ZNF205: variants seen among roughly 807,000 people sequenced by gnomAD.
The protein encoded by ZNF205 is zinc finger protein 205, also known as transcriptional repressor RHIT.
In ZNF205, 32 loss-of-function variants were observed where a neutral mutation model predicts 53.6. That is an observed-to-expected ratio of 0.60 (90% CI 0.45 to 0.80). The LOEUF is 0.80. ZNF205 is among the 30% of genes least tolerant of loss of function. The pLI is 0.00. For synonymous variants in ZNF205, 382 were observed against 334.3 expected, an observed-to-expected ratio of 1.14 and a Z score of -1.56; for missense variants, 836 against 782.4, an observed-to-expected ratio of 1.07 and a Z score of -0.82.
In ZNF205 at chr16:3,119,905, G is replaced by T. The variant is rs764041760; in HGVS notation, c.1245G>T (p.Thr415=). The T allele has an allele frequency of 3.7e-6, 6 of 1,613,102 alleles. No homozygotes were observed. Among genetic ancestry groups the T allele is most frequent in the Admixed American group, 3.3e-5 (2 of 59,968 alleles). Residue 415 remains threonine (T), a synonymous_variant, in exon 7 of 7, where the codon ACG becomes ACT. Coordinates refer to ENST00000219091, the MANE Select transcript of ZNF205 (RefSeq NM_001042428.2). The part of the protein sequence containing the change: ...SDLVTHQGTH[T]GAKPHKCPIC... ...TGGTCACCCACCAGGGCACCCACAC[G>T]GGCGCCAAGCCGCACAAGTGCCCCA...
At chr16:3,117,743 G>A (rs1957363537) in intron 5 of ZNF205, among the ~76,000 whole-genome samples, 1 of 151,966 alleles carries the variant, frequency 6.6e-6, no homozygotes. Flanking sequence ...GTGAGCCACT[G>A]TGCCCAGCCA....
At position 3,119,487 on chromosome 16, in the gene ZNF205, A is replaced by G. The variant is rs2151232197; in HGVS notation, c.827A>G (p.Tyr276Cys). 3.1e-6 allele frequency: 5 copies of G among 1,591,784 alleles called. No individual in the cohort carries two copies. The highest frequency in any genetic ancestry group is 4.3e-6 in the Non-Finnish European group (5 of 1,170,016). ...CCCAGTCCCACGGAGCCCCAGGAGT[A>G]CCGCGTCCCGGAGAAGCCCAACGAG... ...PDPSPTEPQE[Y>C]RVPEKPNEEE... Residue 276 changes from tyrosine to cysteine, a missense_variant, in exon 7 of 7, where the codon TAC (tyrosine) becomes TGC (cysteine). Physicochemically the swap from Tyr to Cys is radical, Grantham distance 194. Coordinates refer to ENST00000219091, the MANE Select transcript of ZNF205 (RefSeq NM_001042428.2).
intron 1 of ZNF205, chr16:3,113,090 A>G (rs1409823652): frequency 3.6e-6 from 1 of 275,416 alleles, no homozygotes; most frequent in Non-Finnish European, 6.9e-6. Flanking sequence ...GGAAATAGCG[A>G]TTCCAATTTA....
At position 3,120,394 on chromosome 16, in the gene ZNF205, G is replaced by A. The variant is rs1957414091; in HGVS notation, c.*69G>A. On this transcript the variant is annotated 3_prime_UTR_variant, in exon 7 of 7. Coordinates refer to ENST00000219091, the MANE Select transcript of ZNF205 (RefSeq NM_001042428.2). ...AGCCCCACTGGAGTCAAGGCTCCGA[G>A]GGAGGAGAGAGGGGCTCGGGAAGGG... 1 of 1,431,628 alleles carries A rather than the reference G, an allele frequency of 7.0e-7. No homozygotes were observed. Among genetic ancestry groups the A allele is most frequent in the Non-Finnish European group, 9.1e-7 (1 of 1,094,494 alleles). The allele number at this position is 1,431,628 out of a possible 1,614,324, so 88.7% of individuals were successfully genotyped here. A position where few individuals can be genotyped will look rare whatever the true frequency, so the allele number is the denominator to read the frequency against.
rs1034423926 is a variant in ZNF205 at position 3,112,687 on chromosome 16, G to C, written c.-15+5G>C. The stretch of plus-strand genomic sequence containing the variant: ...GCCCCCTCTGCCTCCACCCCGGTGA[G>C]AAGGGGGTGCTGGGGAGGGCATCTG... On this transcript the variant is annotated splice_donor_5th_base_variant and intron_variant, in intron 1 of 6. Coordinates refer to ENST00000219091, the MANE Select transcript of ZNF205 (RefSeq NM_001042428.2). 17 of 301,524 alleles carry C rather than the reference G, an allele frequency of 5.6e-5. No homozygotes were observed. The highest frequency in any genetic ancestry group is 8.0e-5 in the Non-Finnish European group (12 of 150,116). The allele number at this position is 301,524 out of a possible 1,614,324, so 18.7% of individuals were successfully genotyped here.
chr16:3,115,303 C>T, intron 2 of ZNF205, 52 bp from the exon 3 acceptor site: 1 of 1,421,268 alleles, frequency 7.0e-7, no homozygotes, highest in South Asian at 1.6e-5. Flanking sequence ...TGCCATGTGG[C>T]CCTGGGTGTC....
rs1444146206 is a variant in ZNF205, at chr16:3,115,454, C to T, written c.157C>T (p.Pro53Ser). The change falls in exon 3 of 7, where the codon CCC becomes TCC. Residue 53 changes from proline to serine, a missense_variant. Pro to Ser is a moderately conservative substitution (Grantham distance 74). Coordinates refer to ENST00000219091, the MANE Select transcript of ZNF205 (RefSeq NM_001042428.2). ...GGAGTCACTGCACATTAAGATGGAGCCCGAAGAGCCACACTCCGAGGGGGC... is the reference window on the plus strand; with the variant it reads ...GGAGTCACTGCACATTAAGATGGAGTCCGAAGAGCCACACTCCGAGGGGGC... ...TQESLHIKME[P>S]EEPHSEGASQ... The T allele has an allele frequency of 5.0e-6, 8 of 1,612,080 alleles. No homozygotes were observed. The highest frequency in any genetic ancestry group is 4.5e-5 in the East Asian group (2 of 44,714).
intron 5 of ZNF205, among the ~76,000 whole-genome samples, chr16:3,117,442 CTTTTTTTTTTTT>C (rs139893783): frequency 4.1e-5 from 3 of 73,188 alleles, no homozygotes; most frequent in South Asian, 1.3e-3. Flanking sequence ...AGTCCCAGAG[CTTTTTTTTTTTT>C]TTTTTTTTTT....
chr16:3,117,241 GC>G (rs1957357242), intron 5 of ZNF205, among the ~76,000 whole-genome samples: 1 of 152,064 alleles, frequency 6.6e-6, no homozygotes, highest in Non-Finnish European at 1.5e-5. Context: ...TCCTTTCCAA[GC>G]CCCAACTTCA....
rs1361119077 is a variant in ZNF205 at position 3,118,533 on chromosome 16, CCTT to C, written c.485-371_485-369del. 7.2e-5 allele frequency among the ~76,000 whole-genome samples: 11 copies of C among 152,302 alleles called. No homozygotes were observed. In the East Asian group the frequency reaches 2.1e-3, roughly 29 times the overall value. ...CCCCAAGACTTGACAAATGGGATGA[CCTT>C]AGTCGTTGGAGATCCTGGCCCTCCT... On this transcript the variant is annotated intron_variant, in intron 5 of 6. Coordinates refer to ENST00000219091, the MANE Select transcript of ZNF205 (RefSeq NM_001042428.2).
chr16:3,118,248 T>G (rs1203338364), intron 5 of ZNF205, among the ~76,000 whole-genome samples: 1 of 151,970 alleles, frequency 6.6e-6, no homozygotes, highest in African/African-American at 2.4e-5. Context: ...CCCCGCTGGC[T>G]GGCACCAGGG....
chr16:3,113,309 T>G, intron 1 of ZNF205, 108 bp from the exon 2 acceptor site: 3 of 989,504 alleles, frequency 3.0e-6, no homozygotes, highest in East Asian at 2.7e-5. Flanking sequence ...TCTTTGGGGG[T>G]GTCCAGGAAG....
chr16:3,113,505 TGAGG>T lies in ZNF205; in HGVS notation c.57+23_57+26del. The T allele has an allele frequency of 2.5e-6, 4 of 1,612,200 alleles. No individual in the cohort carries two copies. The highest frequency in any genetic ancestry group is 3.4e-6 in the Non-Finnish European group (4 of 1,179,344). ...CCCCGGAGGTACAGATGGGGCTGGC[TGAGG>T]GAGGTGTGCGGTAGAAGAGGCTGGT... On this transcript the variant is annotated intron_variant, in intron 2 of 6. Coordinates refer to ENST00000219091, the MANE Select transcript of ZNF205 (RefSeq NM_001042428.2).
intron 4 of ZNF205, 87 bp downstream of exon 4, chr16:3,116,007 C>T (rs1957340978): frequency 5.9e-6 from 8 of 1,355,770 alleles, no homozygotes; most frequent in Non-Finnish European, 8.2e-6. Flanking sequence ...CCCGCTGGCC[C>T]CACTTGCAGC....
At position 3,119,711 on chromosome 16, in the gene ZNF205, C is replaced by T; in HGVS notation, c.1051C>T (p.Leu351Phe). 6.2e-7 allele frequency: 1 copy of T among 1,613,654 alleles called. No homozygotes were observed. Among genetic ancestry groups the T allele is most frequent in the Non-Finnish European group, 8.5e-7 (1 of 1,179,860 alleles). Residue 351 changes from leucine (L) to phenylalanine (F), a missense_variant, in exon 7 of 7, where the codon CTC becomes TTC. Physicochemically the swap from Leu to Phe is conservative, Grantham distance 22. Transcript: ENST00000219091. ...GAAGCGCTTCGGCCGCAGCTCGCAC[C>T]TCATCCAGCACCAGATCATCCACAC... ...CGKRFGRSSH[L>F]IQHQIIHTGE...
At chr16:3,116,071 G>A in intron 4 of ZNF205, 151 bp downstream of exon 4, 2 of 929,702 alleles carry the variant, frequency 2.2e-6, no homozygotes, top group Non-Finnish European at 3.3e-6. Context: ...CCAGGCTCAA[G>A]GCCCATGGTC....
At chr16:3,116,343 G>A (rs1392178270) in intron 4 of ZNF205, 84 bp from the exon 5 acceptor site, 1 of 1,574,704 alleles carries the variant, frequency 6.4e-7, no homozygotes, top group African/African-American at 1.3e-5. Context: ...GGAGTCCGGG[G>A]TCTCACCACA....
rs1347459100 is a variant in ZNF205 at position 3,120,218 on chromosome 16, C to G, written c.1558C>G (p.His520Asp). 6.2e-7 allele frequency: 1 copy of G among 1,610,444 alleles called. No individual in the cohort carries two copies. The highest frequency in any genetic ancestry group is 1.7e-5 in the Admixed American group (1 of 59,978). The part of the protein sequence containing the change: ...GKSFSRRSNL[H>D]RHEKIHTTGP... ...GAGCTTCAGCCGGCGCTCCAACCTG[C>G]ACCGGCACGAGAAGATCCACACCAC... The change falls in exon 7 of 7, where the codon CAC (histidine) becomes GAC (aspartate). Residue 520 changes from histidine to aspartate, a missense_variant. Coordinates refer to ENST00000219091, the MANE Select transcript of ZNF205 (RefSeq NM_001042428.2).
intron 5 of ZNF205, among the ~76,000 whole-genome samples, chr16:3,117,085 C>T (rs61170261): frequency 4.9e-4 from 74 of 152,300 alleles, no homozygotes; most frequent in Middle Eastern, 3.4e-3. Context: ...TGAGCCACCG[C>T]GCCCGGCCAA....
Sources: allele counts gnomAD v4.1 joint callset (sites outside exome capture counted in the v4.1 genomes callset), GRCh38; gene constraint gnomAD v4.1.1; transcripts MANE v1.5; gene names NCBI Gene and HGNC (gene_info 2026-07-23, HGNC 2026-07-21).